The following MAPK10 variants were observed in gnomAD, a reference collection of about 807,000 sequenced individuals.
MAPK10 encodes JNK3 alpha protein kinase.
Under a neutral mutation model 59.3 loss-of-function variants are expected in MAPK10, and 25 were observed. The observed-to-expected ratio is 0.42, with a 90% CI of 0.31 to 0.59. The LOEUF is 0.59. Ranked by LOEUF, MAPK10 falls within the 20% of genes least tolerant of loss-of-function variation. The probability of loss-of-function intolerance (pLI) is 0.15; values close to 1 mark genes in which losing one functional copy is unlikely to be tolerated. For missense variants in MAPK10, 351 were observed against 568.9 expected (o/e 0.62, Z 3.90); for synonymous variants, 190 against 200.5 (o/e 0.95, Z 0.44).
intron 2 of MAPK10, among the ~76,000 whole-genome samples, chr4:86,275,776 A>G (rs1312092283): frequency 6.6e-6 from 1 of 152,098 alleles, no homozygotes; most frequent in African/African-American, 2.4e-5. Context: ...GTTTTAGTTA[A>G]AAAACCACCT....
At chr4:86,026,996 C>T (rs1750628228) in intron 13 of MAPK10, 1 of 152,048 alleles carries the variant, frequency 6.6e-6, no homozygotes, top group African/African-American at 2.4e-5. Context: ...ACAATAAATG[C>T]ATAGTTGGGA....
chr4:86,218,654 C>T, intron 2 of MAPK10, among the ~76,000 whole-genome samples: 1 of 150,066 alleles, frequency 6.7e-6, no homozygotes, highest in East Asian at 2.0e-4. Flanking sequence ...AGTATCATTG[C>T]TTTAATTACA....
intron 2 of MAPK10, among the ~76,000 whole-genome samples, chr4:86,315,263 G>A (rs1224154816): frequency 6.6e-6 from 1 of 151,988 alleles, no homozygotes; most frequent in African/African-American, 2.4e-5. Context: ...TGGGGGATGC[G>A]GGGCATGGAG....
chr4:86,324,205 G>A (rs1022010713), intron 2 of MAPK10, among the ~76,000 whole-genome samples: 5 of 152,172 alleles, frequency 3.3e-5, no homozygotes, highest in Middle Eastern at 3.4e-3. Flanking sequence ...TCAGGAGTTC[G>A]AGACCAGCCT....
chr4:86,091,942 G>A (rs2053294176), intron 9 of MAPK10, among the ~76,000 whole-genome samples: 1 of 152,016 alleles, frequency 6.6e-6, no homozygotes, highest in African/African-American at 2.4e-5. Flanking sequence ...AAAGTGCTGG[G>A]ATTACAGGCA....
intron 2 of MAPK10, among the ~76,000 whole-genome samples, chr4:86,243,844 T>C (rs13124817): frequency 2.6e-5 from 4 of 151,998 alleles, no homozygotes; most frequent in Non-Finnish European, 5.9e-5. Flanking sequence ...TTGTTTATTG[T>C]TCTTGCTTAC....
At chr4:86,247,364 G>A (rs2093162029) in intron 2 of MAPK10, among the ~76,000 whole-genome samples, 1 of 152,118 alleles carries the variant, frequency 6.6e-6, no homozygotes, top group Non-Finnish European at 1.5e-5. Context: ...TCTAACTCAT[G>A]TTTTCTCCCT....
At chr4:86,503,446 T>C (rs1755477740) in intron 1 of MAPK10, among the ~76,000 whole-genome samples, 1 of 152,164 alleles carries the variant, frequency 6.6e-6, no homozygotes, top group South Asian at 2.1e-4. Context: ...TGATAAATTT[T>C]CATAAAGTAC....
At position 86,487,362 on chromosome 4, in the gene MAPK10, A is replaced by AGTGTGTGTGTGTGTGT. The variant is rs35053159; in HGVS notation, c.-263+106532_-263+106547dup. Among the ~76,000 whole-genome samples the AGTGTGTGTGTGTGTGT allele has an allele frequency of 1.2e-3, 181 of 148,826 alleles. 1 individual carries two copies. The South Asian group carries it at 0.014, about 12-fold the overall frequency. On this transcript the variant is annotated intron_variant, in intron 1 of 4. Transcript: ENST00000502302. ...AATAGTTCATAAAAGAGAGAGAGAG[A>AGTGTGTGTGTGTGTGT]GTGTGTGTGTGTGTGTGTGTGTAGA...
chr4:86,067,747 C>T (rs1459350346), intron 10 of MAPK10, 26 bp downstream of exon 10: 3 of 1,589,054 alleles, frequency 1.9e-6, no homozygotes, highest in Non-Finnish European at 2.6e-6. Context: ...TCATAGTTGT[C>T]CTCAAGTCAT....
At chr4:86,431,575 A>G (rs1748049791) in intron 1 of MAPK10, among the ~76,000 whole-genome samples, 1 of 152,246 alleles carries the variant, frequency 6.6e-6, no homozygotes, top group Non-Finnish European at 1.5e-5. Context: ...TGTTGCAGGT[A>G]TCAACTAAAT....
intron 9 of MAPK10, among the ~76,000 whole-genome samples, chr4:86,095,929 T>C (rs1487071667): frequency 1.3e-5 from 2 of 151,822 alleles, no homozygotes; most frequent in Non-Finnish European, 2.9e-5. Context: ...TTTTCTAACC[T>C]ATTTCATTGG....
chr4:86,472,748 G>A (rs1752760357), intron 1 of MAPK10, among the ~76,000 whole-genome samples: 2 of 152,178 alleles, frequency 1.3e-5, no homozygotes, highest in Admixed American at 1.3e-4. Context: ...CAGGAAAATA[G>A]GGTCTGGAGG....
At chr4:86,287,018 C>T (rs574928327) in intron 2 of MAPK10, among the ~76,000 whole-genome samples, 7 of 152,090 alleles carry the variant, frequency 4.6e-5, no homozygotes, top group South Asian at 4.2e-4. Flanking sequence ...AAGCTGCATT[C>T]AAGAAAAACC....
chr4:86,205,916 T>C (rs1374945310), intron 2 of MAPK10, among the ~76,000 whole-genome samples: 3 of 152,014 alleles, frequency 2.0e-5, no homozygotes, highest in Non-Finnish European at 4.4e-5. Flanking sequence ...TAATAAAATA[T>C]AAAGATGTCT....
At chr4:86,178,591 G>A (rs2076203322) in intron 3 of MAPK10, among the ~76,000 whole-genome samples, 1 of 152,044 alleles carries the variant, frequency 6.6e-6, no homozygotes, top group African/African-American at 2.4e-5. Context: ...ATACTGAATA[G>A]GGAAAACCTT....
chr4:86,533,340 C>T (rs934962466), intron 1 of MAPK10, among the ~76,000 whole-genome samples: 1 of 152,092 alleles, frequency 6.6e-6, no homozygotes, highest in African/African-American at 2.4e-5. Flanking sequence ...GTGATAATTA[C>T]ACAACAATGT....
At chr4:86,416,069 T>TC (rs1358835331) in intron 1 of MAPK10, among the ~76,000 whole-genome samples, 4 of 152,188 alleles carry the variant, frequency 2.6e-5, no homozygotes, top group African/African-American at 9.7e-5. Flanking sequence ...AGCCCTAAAG[T>TC]CCCAGTATGA....
At chr4:86,503,338 T>C (rs1203149691) in intron 1 of MAPK10, among the ~76,000 whole-genome samples, 2 of 152,124 alleles carry the variant, frequency 1.3e-5, no homozygotes, top group Non-Finnish European at 2.9e-5. Flanking sequence ...CCAGCTCCCA[T>C]ACTTTTCCAA....
Sources: allele counts gnomAD v4.1 joint callset (sites outside exome capture counted in the v4.1 genomes callset), GRCh38; gene constraint gnomAD v4.1.1; transcripts MANE v1.5; gene names NCBI Gene and HGNC (gene_info 2026-07-23, HGNC 2026-07-21).